The following TTLL1 variants were observed in gnomAD, a reference collection of about 807,000 sequenced individuals.
TTLL1 encodes TTL family tubulin polyglutamylase complex subunit L1.
TTLL1 carries 33 observed loss-of-function variants against 47.8 expected under a neutral mutation model. That is an observed-to-expected ratio of 0.69 (90% CI 0.52 to 0.92). The LOEUF (loss-of-function observed/expected upper bound fraction) is 0.92, where lower values mean the gene tolerates loss of function less well. Among genes scored for constraint, TTLL1 ranks in the 40% least tolerant of loss-of-function variants. The probability of loss-of-function intolerance (pLI) is 0.00; values close to 1 mark genes in which losing one functional copy is unlikely to be tolerated. For missense variants in TTLL1, 488 were observed against 547.5 expected, an observed-to-expected ratio of 0.89 and a Z score of 1.08; for synonymous variants, 225 against 214.1, an observed-to-expected ratio of 1.05 and a Z score of -0.45.
chr22:43,069,797 T>C lies in TTLL1; in HGVS notation c.161A>G (p.Tyr54Cys). The change falls in exon 4 of 11, where the codon TAT becomes TGT. Residue 54 changes from tyrosine to cysteine, a missense_variant. Physicochemically the swap from Tyr to Cys is radical, Grantham distance 194. Transcript: ENST00000266254. ...IRNVFSVEAGYRLSDDQIVNH... is the reference protein window; with the variant it reads ...IRNVFSVEAGCRLSDDQIVNH... Reference sequence around the variant, plus strand: ...GACTATTTGGTCATCTGAGAGCCGATATCCAGCTTCAACGCTGAACACATT... The same window carrying C: ...GACTATTTGGTCATCTGAGAGCCGACATCCAGCTTCAACGCTGAACACATT... 6.2e-7 allele frequency: 1 copy of C among 1,614,226 alleles called. No individual in the cohort carries two copies.
chr22:43,064,003 T>C (rs1927563858), intron 6 of TTLL1, 82 bp from the exon 7 acceptor site: 5 of 1,474,604 alleles, frequency 3.4e-6, no homozygotes, highest in Non-Finnish European at 4.7e-6. Flanking sequence ...AAAGAGCTGC[T>C]TTTGTGTGTG....
chr22:43,069,741 G>A lies in TTLL1; in HGVS notation c.217C>T (p.Arg73Trp), dbSNP rs780604362. The A allele has an allele frequency of 4.6e-5, 74 of 1,613,974 alleles. No homozygotes were observed. Among genetic ancestry groups the A allele is most frequent in the Non-Finnish European group, 5.5e-5 (65 of 1,180,034 alleles). ...NHFPNHYELTRKDLMVKNIKR... is the reference protein window; with the variant it reads ...NHFPNHYELTWKDLMVKNIKR... ...ATGTTCTTCACCATCAGGTCCTTCC[G>A]GGTCAGTTCATAGTGGTTTGGAAAA... is the stretch of plus-strand genomic sequence containing the variant. The change falls in exon 4 of 11, where the codon CGG (arginine) becomes TGG (tryptophan). Residue 73 changes from arginine (R) to tryptophan (W), a missense_variant. Coordinates refer to ENST00000266254, the MANE Select transcript of TTLL1 (RefSeq NM_012263.5).
intron 1 of TTLL1, among the ~76,000 whole-genome samples, chr22:43,086,995 C>T (rs1458399300): frequency 6.6e-6 from 1 of 152,204 alleles, no homozygotes; most frequent in Non-Finnish European, 1.5e-5. Context: ...TAGGCCTTGT[C>T]TCTCACCAAC....
At chr22:43,072,108 A>G (rs1232300654) in intron 3 of TTLL1, among the ~76,000 whole-genome samples, 1 of 151,678 alleles carries the variant, frequency 6.6e-6, no homozygotes, top group African/African-American at 2.4e-5. Context: ...TCAACTTTAG[A>G]GTGAAGTAGT....
At chr22:43,082,036 G>A (rs191249222) in intron 1 of TTLL1, among the ~76,000 whole-genome samples, 1 of 151,198 alleles carries the variant, frequency 6.6e-6, no homozygotes, top group African/African-American at 2.4e-5. Flanking sequence ...ATTTTTAGTA[G>A]AGGCAGGGTT....
Position 43,064,293 on chromosome 22 carries a change from C to T in TTLL1, c.535G>A (p.Val179Met), listed in dbSNP as rs368878876. 7 of 1,613,338 alleles carry T rather than the reference C, an allele frequency of 4.3e-6. No homozygotes were observed. The highest frequency in any genetic ancestry group is 2.2e-5 in the East Asian group (1 of 44,884). The part of the protein sequence containing the change: ...FVSQSNKEAY[V>M]ISLYINNPLL... ...GGGTTGTTAATATAGAGAGAGATCA[C>T]GTAGGCTTCCTTATTAGATTGAGAC... Residue 179 changes from valine to methionine, a missense_variant, in exon 6 of 11, where the codon GTG becomes ATG. Transcript: ENST00000266254.
Position 43,068,473 on chromosome 22 carries a change from C to A in TTLL1, c.440G>T (p.Gly147Val). Residue 147 changes from glycine to valine, a missense_variant, in exon 5 of 11, where the codon GGC becomes GTC. Transcript: ENST00000266254. The stretch of plus-strand genomic sequence containing the variant: ...TGAGAGCTTGTTGATAAGGAAGATG[C>A]CCTTTCCCTGGGCCTTGCCACAAGG... ...MKPCGKAQGK[G>V]IFLINKLSQI... is the part of the protein sequence containing the mutation. The A allele has an allele frequency of 6.4e-7, 1 of 1,573,530 alleles. No individual in the cohort carries two copies. The highest frequency in any genetic ancestry group is 2.3e-5 in the East Asian group (1 of 43,972).
In TTLL1 at chr22:43,042,143, C is replaced by T. The variant is rs543659587; in HGVS notation, c.1143-2238G>A. On this transcript the variant is annotated intron_variant, in intron 10 of 10. Transcript: ENST00000266254. ...TCCCTGGCCAGGGGGCTGCAGTGAC[C>T]GCCCGTCTGGTTCGTGGCTGCCCCC... is the stretch of plus-strand genomic sequence containing the variant. Among the ~76,000 whole-genome samples the T allele has an allele frequency of 7.9e-4, 120 of 152,286 alleles. 3 individuals carry two copies. Among genetic ancestry groups the T allele is most frequent in the Admixed American group, 5.4e-3 (82 of 15,286 alleles).
At chr22:43,075,666 C>A in intron 2 of TTLL1, 76 bp from the exon 3 acceptor site, 1 of 1,284,584 alleles carries the variant, frequency 7.8e-7, no homozygotes, top group Admixed American at 1.7e-5. Flanking sequence ...ATCCTCTAAA[C>A]AGCATGCCCA....
At chr22:43,069,509 G>A in intron 4 of TTLL1, 127 bp downstream of exon 4, 1 of 1,502,054 alleles carries the variant, frequency 6.7e-7, no homozygotes, top group Non-Finnish European at 8.9e-7. Flanking sequence ...AATGAAACAG[G>A]TGCCACCACA....
At chr22:43,061,247 T>G (rs1039286412) in intron 7 of TTLL1, among the ~76,000 whole-genome samples, 5 of 152,244 alleles carry the variant, frequency 3.3e-5, no homozygotes, top group African/African-American at 1.2e-4. Flanking sequence ...AACTGATGCT[T>G]GCTTGGTTTA....
chr22:43,071,358 G>A (rs1928107105), intron 3 of TTLL1, among the ~76,000 whole-genome samples: 1 of 152,098 alleles, frequency 6.6e-6, no homozygotes, highest in Non-Finnish European at 1.5e-5. Flanking sequence ...GAGCTGGCCG[G>A]GCGCAGTGGC....
chr22:43,046,440 G>T lies in TTLL1; in HGVS notation c.1112C>A (p.Pro371His). The change falls in exon 10 of 11, where the codon CCT becomes CAT. Residue 371 changes from proline to histidine, a missense_variant. Transcript: ENST00000266254. The stretch of plus-strand genomic sequence containing the variant: ...CTCGTAATTGCCGAGGACTTCCTTA[G>T]GTGGCGACTTGTTCCATTTGCAGTC... ...IPDCKWNKSP[P>H]KEVLGNYEIL... 6.2e-7 allele frequency: 1 copy of T among 1,614,076 alleles called. No individual in the cohort carries two copies. The highest frequency in any genetic ancestry group is 1.7e-5 in the Admixed American group (1 of 59,968).
At chr22:43,065,713 A>C (rs760031950) in intron 5 of TTLL1, among the ~76,000 whole-genome samples, 7 of 152,124 alleles carry the variant, frequency 4.6e-5, no homozygotes, top group Non-Finnish European at 1.0e-4. Context: ...AGTAGCTGAG[A>C]CTACAGGCAT....
At chr22:43,072,026 C>T (rs933662732) in intron 3 of TTLL1, among the ~76,000 whole-genome samples, 6 of 152,146 alleles carry the variant, frequency 3.9e-5, no homozygotes, top group Non-Finnish European at 1.5e-5. Context: ...TGGGCCCAGG[C>T]ATGTATGATT....
At chr22:43,072,278 C>T (rs182314528) in intron 3 of TTLL1, among the ~76,000 whole-genome samples, 1 of 151,862 alleles carries the variant, frequency 6.6e-6, no homozygotes, top group Non-Finnish European at 1.5e-5. Context: ...CTCAGCCTCC[C>T]GAGTAGCTGG....
At chr22:43,082,587 G>A (rs745606051) in intron 1 of TTLL1, among the ~76,000 whole-genome samples, 5 of 151,934 alleles carry the variant, frequency 3.3e-5, no homozygotes, top group Admixed American at 6.6e-5. Flanking sequence ...ATGGTGGTGC[G>A]CGCCTGTGAT....
chr22:43,059,353 G>C, intron 8 of TTLL1, 31 bp downstream of exon 8: 1 of 1,590,112 alleles, frequency 6.3e-7, no homozygotes, highest in Non-Finnish European at 8.6e-7. Flanking sequence ...CGGGCCCTGG[G>C]AGCCGGCTCC....
At chr22:43,042,988 G>A (rs1360064145) in intron 10 of TTLL1, among the ~76,000 whole-genome samples, 1 of 145,778 alleles carries the variant, frequency 6.9e-6, no homozygotes, top group Non-Finnish European at 1.5e-5. Context: ...CGCCCAGGCT[G>A]GAGTGCGGTG....
Sources: allele counts gnomAD v4.1 joint callset (sites outside exome capture counted in the v4.1 genomes callset), GRCh38; gene constraint gnomAD v4.1.1; transcripts MANE v1.5; gene names NCBI Gene and HGNC (gene_info 2026-07-23, HGNC 2026-07-21).